The following ELMO1 variants were observed in gnomAD, a reference collection of about 807,000 sequenced individuals.
The protein encoded by ELMO1 is engulfment and cell motility 1.
In ELMO1, 26 loss-of-function variants were observed where a neutral mutation model predicts 98.9. The ratio of observed to expected loss-of-function variants is 0.26; its 90% CI spans 0.19 to 0.36. The LOEUF is 0.36. ELMO1 is among the 10% of genes least tolerant of loss of function. ELMO1 has a pLI of 1.00. For synonymous variants in ELMO1, 346 were observed against 346.0 expected, an observed-to-expected ratio of 1.00 and a Z score of 0.00; for missense variants, 627 against 935.2, an observed-to-expected ratio of 0.67 and a Z score of 4.30.
chr7:37,186,107 A>C (rs1791188019), intron 13 of ELMO1, among the ~76,000 whole-genome samples: 1 of 152,226 alleles, frequency 6.6e-6, no homozygotes, highest in African/African-American at 2.4e-5. Flanking sequence ...GACTTGACAT[A>C]AGAATAAACA....
intron 15 of ELMO1, among the ~76,000 whole-genome samples, chr7:37,040,302 T>C (rs1034799869): frequency 6.6e-6 from 1 of 152,140 alleles, no homozygotes; most frequent in African/African-American, 2.4e-5. Context: ...ATTTTCCTGA[T>C]TACCCCCAGG....
intron 18 of ELMO1, among the ~76,000 whole-genome samples, chr7:36,882,353 G>A (rs1804539023): frequency 6.6e-6 from 1 of 152,126 alleles, no homozygotes; most frequent in Non-Finnish European, 1.5e-5. Flanking sequence ...AAAACAAGAG[G>A]GACCCAGCAA....
In ELMO1 at chr7:37,302,654, C is replaced by A. The variant is rs988212929; in HGVS notation, c.192+12196G>T. On this transcript the variant is annotated intron_variant, in intron 4 of 21. Transcript: ENST00000310758. ...TATTCATGTCTTCCCAGTTGTGACT[C>A]CAGACATCAAGAAGAGACAAGCCAT... Among the ~76,000 whole-genome samples the A allele has an allele frequency of 2.0e-4, 30 of 152,126 alleles. No individual in the cohort carries two copies. The South Asian group carries it at 3.5e-3, about 18-fold the overall frequency.
chr7:37,424,066 A>C (rs1215913372), intron 1 of ELMO1, among the ~76,000 whole-genome samples: 2 of 152,184 alleles, frequency 1.3e-5, no homozygotes, highest in Non-Finnish European at 2.9e-5. Flanking sequence ...CCAGTGGGGC[A>C]CTTGCCCACT....
intron 14 of ELMO1, among the ~76,000 whole-genome samples, chr7:37,110,164 T>C (rs1006797515): frequency 2.0e-5 from 3 of 152,260 alleles, no homozygotes; most frequent in Admixed American, 2.0e-4. Context: ...ATCTCGCAGA[T>C]GTTACATGCC....
intron 1 of ELMO1, among the ~76,000 whole-genome samples, chr7:37,392,321 A>G (rs939655490): frequency 1.3e-5 from 2 of 152,214 alleles, no homozygotes; most frequent in Admixed American, 6.5e-5. Flanking sequence ...GAACCTGAAT[A>G]AAGTGGCATA....
chr7:36,870,318 A>C lies in ELMO1; in HGVS notation c.1905+75T>G, dbSNP rs1301384709. ...CGCACACACACGAACACTGCTATAA[A>C]GGAGGGCTAGGCTGGCTGCAGTTGC... On this transcript the variant is annotated intron_variant, in intron 20 of 21. Coordinates refer to ENST00000310758, the MANE Select transcript of ELMO1 (RefSeq NM_014800.11). This position sits in a 1 kb window ranked among gnomAD's most constrained non-coding sequence, Gnocchi z 4.4. The C allele has an allele frequency of 7.6e-7, 1 of 1,317,362 alleles. No individual in the cohort carries two copies. Among genetic ancestry groups the C allele is most frequent in the Non-Finnish European group, 1.1e-6 (1 of 915,792 alleles). 81.6% of individuals were successfully genotyped at this position (1,317,362 alleles called of 1,614,324 possible). A position where few individuals can be genotyped will look rare whatever the true frequency, so the allele number is the denominator to read the frequency against.
At chr7:37,386,592 G>A (rs1802812262) in intron 1 of ELMO1, among the ~76,000 whole-genome samples, 1 of 145,482 alleles carries the variant, frequency 6.9e-6, no homozygotes, top group African/African-American at 2.5e-5. Context: ...TCCACACTCA[G>A]GTCAGGTTTA....
At chr7:37,036,230 A>G (rs1464876331) in intron 15 of ELMO1, among the ~76,000 whole-genome samples, 3 of 152,158 alleles carry the variant, frequency 2.0e-5, no homozygotes, top group Non-Finnish European at 4.4e-5. Context: ...AAAACCATGC[A>G]TAAGTGGACC....
At chr7:37,164,496 T>C (rs1479126986) in intron 13 of ELMO1, among the ~76,000 whole-genome samples, 1 of 152,238 alleles carries the variant, frequency 6.6e-6, no homozygotes, top group Non-Finnish European at 1.5e-5. Context: ...CTTTAATCCA[T>C]CTTGAATTGA....
chr7:37,296,838 C>A (rs17170979), intron 4 of ELMO1, among the ~76,000 whole-genome samples: 1 of 152,010 alleles, frequency 6.6e-6, no homozygotes, highest in East Asian at 1.9e-4. Context: ...TACTGGAAAT[C>A]GGGGAAAAGT....
At chr7:37,434,827 C>T (rs1805080046) in intron 1 of ELMO1, among the ~76,000 whole-genome samples, 1 of 152,212 alleles carries the variant, frequency 6.6e-6, no homozygotes, top group Non-Finnish European at 1.5e-5. Context: ...TTTCACCCTC[C>T]TCCCTGACCT....
chr7:37,386,674 G>C (rs1802818187), intron 1 of ELMO1, among the ~76,000 whole-genome samples: 1 of 151,950 alleles, frequency 6.6e-6, no homozygotes, highest in African/African-American at 2.4e-5. Context: ...CAGGTAAGTA[G>C]AGATCCAGGG....
chr7:37,025,509 C>G (rs1014014121), intron 15 of ELMO1, among the ~76,000 whole-genome samples: 1 of 152,184 alleles, frequency 6.6e-6, no homozygotes, highest in East Asian at 1.9e-4. Context: ...ATAGCTCTTC[C>G]CAAGGTGTGT....
At chr7:37,139,423 A>G (rs2129306601) in intron 13 of ELMO1, among the ~76,000 whole-genome samples, 1 of 152,312 alleles carries the variant, frequency 6.6e-6, no homozygotes, top group South Asian at 2.1e-4. Context: ...GCTATATACC[A>G]ACAGTGATCA....
chr7:37,193,822 A>ACCTG (rs921359307), intron 13 of ELMO1, among the ~76,000 whole-genome samples: 6 of 152,172 alleles, frequency 3.9e-5, no homozygotes, highest in Non-Finnish European at 7.3e-5. Context: ...GAGCACACAC[A>ACCTG]TGCACACACA....
At chr7:37,220,552 T>G (rs1793534424) in intron 10 of ELMO1, among the ~76,000 whole-genome samples, 1 of 152,202 alleles carries the variant, frequency 6.6e-6, no homozygotes, top group South Asian at 2.1e-4. Context: ...AAAGACTTGA[T>G]TCACAAAATC....
intron 1 of ELMO1, among the ~76,000 whole-genome samples, chr7:37,385,126 C>T (rs1283960024): frequency 1.3e-5 from 2 of 152,238 alleles, no homozygotes; most frequent in East Asian, 3.8e-4. Flanking sequence ...GCCGAAAAGT[C>T]CACCTCTAGC....
chr7:37,078,577 T>G (rs570721966), intron 15 of ELMO1, among the ~76,000 whole-genome samples: 12 of 152,338 alleles, frequency 7.9e-5, no homozygotes, highest in African/African-American at 2.4e-4. Flanking sequence ...GTGCAAATGC[T>G]TCAGCCTTTC....
Sources: gnomAD v4.1 joint callset for allele counts (sites outside exome capture counted in the v4.1 genomes callset) on GRCh38, gnomAD v4.1.1 for gene constraint, Gnocchi (gnomAD v3.1) non-coding constraint, MANE v1.5 for transcripts, NCBI Gene and HGNC (gene_info 2026-07-23, HGNC 2026-07-21) for gene names.